The following GLRX3 variants were observed in gnomAD, a reference collection of about 807,000 sequenced individuals.
The protein encoded by GLRX3 is glutaredoxin-3.
In GLRX3, 22 loss-of-function variants were observed where a neutral mutation model predicts 49.5. That is an observed-to-expected ratio of 0.44 (90% CI 0.32 to 0.63). The LOEUF (loss-of-function observed/expected upper bound fraction) is 0.63, where lower values mean the gene tolerates loss of function less well. Ranked by LOEUF, GLRX3 falls within the 30% of genes least tolerant of loss-of-function variation. The pLI, the probability that GLRX3 is intolerant of heterozygous loss-of-function variation, is 0.05. For synonymous variants in GLRX3, 133 were observed against 140.0 expected (o/e 0.95, Z 0.35); for missense variants, 385 against 396.3 (o/e 0.97, Z 0.24).
chr10:130,160,925 C>G lies in GLRX3; in HGVS notation c.406C>G (p.Arg136Gly), dbSNP rs147643015. Residue 136 changes from arginine to glycine, a missense_variant, in exon 4 of 11, where the codon CGC (arginine) becomes GGC (glycine). Physicochemically the swap from Arg to Gly is moderately radical, Grantham distance 125. Around this residue, in one of 2 missense-constraint regions of GLRX3, gnomAD observed 374 missense variants for 358.6 expected, o/e 1.04. Transcript: ENST00000331244. The part of the protein sequence containing the change: ...NEHLKEDLNL[R>G]LKKLTHAAPC... ...ACATCTTAAAGAAGATCTCAACCTTCGCTTGAAGAAATTGACTCATGCTGC... is the reference window on the plus strand; with the variant it reads ...ACATCTTAAAGAAGATCTCAACCTTGGCTTGAAGAAATTGACTCATGCTGC... 6.2e-7 allele frequency: 1 copy of G among 1,613,414 alleles called. No individual in the cohort carries two copies. Among genetic ancestry groups the G allele is most frequent in the Non-Finnish European group, 8.5e-7 (1 of 1,179,512 alleles).
At chr10:130,169,169 TA>T (rs774968021) in intron 6 of GLRX3, among the ~76,000 whole-genome samples, 12 of 152,230 alleles carry the variant, frequency 7.9e-5, no homozygotes, top group South Asian at 2.1e-4. Context: ...TTATTATTAT[TA>T]TTTTTTTATT....
rs1246321562 is a variant in GLRX3 at position 130,171,969 on chromosome 10, AAAAG to A, written c.824+337_824+340del. Among the ~76,000 whole-genome samples the A allele has an allele frequency of 2.6e-5, 4 of 152,110 alleles. No homozygotes were observed. The East Asian group carries it at 7.7e-4, about 29-fold the overall frequency. On this transcript the variant is annotated intron_variant, in intron 8 of 10. Transcript: ENST00000331244. ...GACAGAGCAAGACCCTGTCTCAAAA[AAAAG>A]AAAAAAATATTTCAACTTTTCAGTT...
chr10:130,163,574 T>C (rs1433962270), intron 4 of GLRX3, among the ~76,000 whole-genome samples: 1 of 152,224 alleles, frequency 6.6e-6, no homozygotes, highest in East Asian at 1.9e-4. Flanking sequence ...ATAACTACAT[T>C]TTCAGTGGGT....
chr10:130,175,907 G>A (rs993850502), intron 10 of GLRX3, among the ~76,000 whole-genome samples: 1 of 152,182 alleles, frequency 6.6e-6, no homozygotes, highest in Non-Finnish European at 1.5e-5. Flanking sequence ...GGTATAGAGA[G>A]GAGCTAGACA....
intron 2 of GLRX3, chr10:130,159,745 G>T: frequency 8.4e-7 from 1 of 1,195,874 alleles, no homozygotes; most frequent in Non-Finnish European, 1.0e-6. Context: ...TTTATTCACA[G>T]CCTCCAGGCA....
intron 4 of GLRX3, among the ~76,000 whole-genome samples, chr10:130,165,465 A>G (rs1478831528): frequency 2.0e-5 from 3 of 152,236 alleles, no homozygotes; most frequent in African/African-American, 7.2e-5. Flanking sequence ...CATGGAACAT[A>G]AAATTGTCGC....
intron 2 of GLRX3, among the ~76,000 whole-genome samples, chr10:130,154,105 C>T (rs1043551233): frequency 6.6e-5 from 10 of 152,218 alleles, no homozygotes; most frequent in Admixed American, 5.9e-4. Flanking sequence ...GCGCTGGCAG[C>T]GAGCAAGGCT....
At chr10:130,179,203 G>C (rs1862979240) in intron 10 of GLRX3, 139 bp from the exon 11 acceptor site, 1 of 529,594 alleles carries the variant, frequency 1.9e-6, no homozygotes, top group African/African-American at 2.0e-5. Flanking sequence ...TTTAGTTTGA[G>C]AGTGTTAAGA....
chr10:130,149,412 G>A (rs1357535761), intron 2 of GLRX3, among the ~76,000 whole-genome samples: 2 of 150,986 alleles, frequency 1.3e-5, no homozygotes, highest in Non-Finnish European at 2.9e-5. Context: ...ACTGCACTCC[G>A]GCCTGCGTGA....
At chr10:130,178,759 A>G (rs1274717856) in intron 10 of GLRX3, among the ~76,000 whole-genome samples, 4 of 152,098 alleles carry the variant, frequency 2.6e-5, no homozygotes, top group African/African-American at 7.2e-5. Flanking sequence ...CTGGAGTGCA[A>G]TGGCACGATC....
At chr10:130,171,169 G>A (rs1862800717) in intron 7 of GLRX3, among the ~76,000 whole-genome samples, 1 of 151,684 alleles carries the variant, frequency 6.6e-6, no homozygotes, top group Admixed American at 6.6e-5. Context: ...AGAAAAATGG[G>A]AGTCAGAATC....
chr10:130,147,980 A>G (rs1862299427), intron 2 of GLRX3, among the ~76,000 whole-genome samples: 1 of 152,210 alleles, frequency 6.6e-6, no homozygotes, highest in African/African-American at 2.4e-5. Flanking sequence ...GGAGGTCTCA[A>G]GGCGGTCACA....
At chr10:130,157,982 T>G (rs1862508575) in intron 2 of GLRX3, among the ~76,000 whole-genome samples, 1 of 152,238 alleles carries the variant, frequency 6.6e-6, no homozygotes, top group Non-Finnish European at 1.5e-5. Context: ...ATGCCCTTGA[T>G]GTTCTGGAGA....
In GLRX3 at chr10:130,169,393, A is replaced by G; in HGVS notation, c.714-40A>G. On this transcript the variant is annotated intron_variant, in intron 6 of 10. Coordinates refer to ENST00000331244, the MANE Select transcript of GLRX3 (RefSeq NM_006541.5). Reference sequence around the variant, plus strand: ...AAGCGGAGGAAAAGTGGTGTTGCATAATTGAGCTGAGCCGTTTTATATCAA... The same window carrying G: ...AAGCGGAGGAAAAGTGGTGTTGCATGATTGAGCTGAGCCGTTTTATATCAA... 5 of 1,323,340 alleles carry G rather than the reference A, an allele frequency of 3.8e-6. 1 individual carries two copies. Among genetic ancestry groups the G allele is most frequent in the South Asian group, 2.4e-5 (2 of 84,820 alleles). The allele number at this position is 1,323,340 out of a possible 1,614,324, so 82.0% of individuals were successfully genotyped here.
chr10:130,165,216 A>C (rs1225255835), intron 4 of GLRX3, among the ~76,000 whole-genome samples: 1 of 152,232 alleles, frequency 6.6e-6, no homozygotes, highest in African/African-American at 2.4e-5. Context: ...GTTCTTTTCC[A>C]GTGAATTACA....
Position 130,149,976 on chromosome 10 carries a change from C to T in GLRX3, c.201+4657C>T, listed in dbSNP as rs542858703. Among the ~76,000 whole-genome samples, 8 of 148,698 alleles carry T rather than the reference C, an allele frequency of 5.4e-5. No homozygotes were observed. In the South Asian group the frequency reaches 6.4e-4, roughly 12 times the overall value. The stretch of plus-strand genomic sequence containing the variant: ...AAATAGGGCCGGGCATGGTGGCTCA[C>T]GCTTGTAATCCCAGCACTTTGGGAG... On this transcript the variant is annotated intron_variant, in intron 2 of 10. Coordinates refer to ENST00000331244, the MANE Select transcript of GLRX3 (RefSeq NM_006541.5).
chr10:130,166,166 T>C (rs1213604206), intron 4 of GLRX3, among the ~76,000 whole-genome samples: 1 of 151,884 alleles, frequency 6.6e-6, no homozygotes, highest in Non-Finnish European at 1.5e-5. Context: ...AGGTCTCTGC[T>C]TTTTGGCTAG....
chr10:130,159,847 T>C, intron 2 of GLRX3, 148 bp from the exon 3 acceptor site: 1 of 1,345,478 alleles, frequency 7.4e-7, no homozygotes, highest in Non-Finnish European at 9.8e-7. Flanking sequence ...GAGTCTCATT[T>C]AAATGTAAAT....
intron 7 of GLRX3, among the ~76,000 whole-genome samples, chr10:130,171,064 A>G (rs1862797247): frequency 6.6e-6 from 1 of 151,716 alleles, no homozygotes; most frequent in Non-Finnish European, 1.5e-5. Context: ...GGAGGTGGAC[A>G]TTGCAGTGAG....
Sources: gnomAD v4.1 joint callset for allele counts (sites outside exome capture counted in the v4.1 genomes callset) on GRCh38, gnomAD v4.1.1 for gene constraint, gnomAD v4.1.1 regional missense constraint, MANE v1.5 for transcripts, NCBI Gene and HGNC (gene_info 2026-07-23, HGNC 2026-07-21) for gene names.